The following HCN4 variants were observed in gnomAD, a reference collection of about 807,000 sequenced individuals.
HCN4 encodes the protein hyperpolarization activated cyclic nucleotide gated potassium channel 4, also known as potassium/sodium hyperpolarization-activated cyclic nucleotide-gated channel 4.
Under a neutral mutation model 76.9 loss-of-function variants are expected in HCN4, and 29 were observed. That is an observed-to-expected ratio of 0.38 (90% CI 0.28 to 0.51). The LOEUF is 0.51. Among genes scored for constraint, HCN4 ranks in the 20% least tolerant of loss-of-function variants. HCN4 has a pLI of 0.90. For missense variants in HCN4, 1,416 were observed against 1,715.2 expected (o/e 0.83, Z 3.08); for synonymous variants, 772 against 762.5 (o/e 1.01, Z -0.21).
chr15:73,363,004 A>T (rs1052333399), intron 1 of HCN4, among the ~76,000 whole-genome samples: 3 of 152,194 alleles, frequency 2.0e-5, no homozygotes, highest in African/African-American at 7.2e-5. Flanking sequence ...GGTGGGACAC[A>T]TCTCATCCCC....
chr15:73,323,765 C>T lies in HCN4; in HGVS notation c.2328G>A (p.Pro776=), dbSNP rs1452483960. ...TPTPTPVIWT[P]LIQAPLQAAA... ...CAGCCTGCAGTGGTGCCTGGATCAG[C>T]GGGGTCCAGATGACGGGCGTGGGGG... The change falls in exon 8 of 8, where the codon CCG becomes CCA. Residue 776 remains proline (P), a synonymous_variant. Coordinates refer to ENST00000261917, the MANE Select transcript of HCN4 (RefSeq NM_005477.3). 8.1e-6 allele frequency: 13 copies of T among 1,607,820 alleles called. No individual in the cohort carries two copies. Among genetic ancestry groups the T allele is most frequent in the South Asian group, 2.2e-5 (2 of 90,906 alleles).
chr15:73,324,887 C>T (rs976780296), intron 6 of HCN4, 68 bp downstream of exon 6: 27 of 1,599,766 alleles, frequency 1.7e-5, no homozygotes, highest in Middle Eastern at 2.0e-4. Context: ...CCTCTGTCCC[C>T]TCGGTATCTC....
intron 1 of HCN4, among the ~76,000 whole-genome samples, chr15:73,353,926 G>T (rs1037461754): frequency 6.6e-6 from 1 of 152,000 alleles, no homozygotes; most frequent in Admixed American, 6.5e-5. Flanking sequence ...TGACCCCAGG[G>T]TCTCCCCACC....
intron 1 of HCN4, among the ~76,000 whole-genome samples, chr15:73,344,818 C>T (rs1196842964): frequency 6.6e-6 from 1 of 152,170 alleles, no homozygotes; most frequent in Non-Finnish European, 1.5e-5. Context: ...GGAAACAACA[C>T]AGGTGGCCAA....
Position 73,323,438 on chromosome 15 carries a change from C to T in HCN4, c.2655G>A (p.Gly885=). 2 of 1,609,410 alleles carry T rather than the reference C, an allele frequency of 1.2e-6. No individual in the cohort carries two copies. The highest frequency in any genetic ancestry group is 1.7e-6 in the Non-Finnish European group (2 of 1,178,998). ...LPSSSSSPPP[G]ACGSPSAPTP... is the part of the protein sequence containing the mutation. ...TGGGAGCCGAGGGGGAGCCACAGGC[C>T]CCGGGGGGTGGGGAGGAGCTGGATG... is the stretch of plus-strand genomic sequence containing the variant. Residue 885 remains glycine, a synonymous_variant, in exon 8 of 8, where the codon GGG becomes GGA. Coordinates refer to ENST00000261917, the MANE Select transcript of HCN4 (RefSeq NM_005477.3).
At chr15:73,362,406 C>T (rs939537676) in intron 1 of HCN4, among the ~76,000 whole-genome samples, 2 of 152,248 alleles carry the variant, frequency 1.3e-5, no homozygotes, top group African/African-American at 4.8e-5. Context: ...GGACACCAGC[C>T]ACATTAGCAA....
In HCN4 at chr15:73,322,371, G is replaced by C; in HGVS notation, c.*110C>G. The C allele has an allele frequency of 1.1e-6, 1 of 943,974 alleles. No homozygotes were observed. Among genetic ancestry groups the C allele is most frequent in the Non-Finnish European group, 1.7e-6 (1 of 599,356 alleles). 58.5% of individuals were successfully genotyped at this position (943,974 alleles called of 1,614,324 possible). On this transcript the variant is annotated 3_prime_UTR_variant, in exon 8 of 8. Transcript: ENST00000261917. ...GTCTTTTGTTTTTCTGGTGTGTGTGGTTTTTTAAATAATTATTACTGTTAT... is the reference window on the plus strand; with the variant it reads ...GTCTTTTGTTTTTCTGGTGTGTGTGCTTTTTTAAATAATTATTACTGTTAT...
At chr15:73,341,069 G>GGTGTGTGTGTGTGTGTGTGTGTGTGTGT (rs76504723) in intron 2 of HCN4, 2 of 145,900 alleles carry the variant, frequency 1.4e-5, no homozygotes, top group East Asian at 2.0e-4. Context: ...GAGGGAGGTA[G>GGTGTGTGTGTGTGTGTGTGTGTGTGTGT]GTGTGTGTGT....
intron 2 of HCN4, among the ~76,000 whole-genome samples, chr15:73,337,442 G>A (rs1595826356): frequency 6.6e-6 from 1 of 152,250 alleles, no homozygotes; most frequent in Non-Finnish European, 1.5e-5. Flanking sequence ...TGGCTAGAAA[G>A]AGTCCCAGAC....
intron 2 of HCN4, 34 bp from the exon 3 acceptor site, chr15:73,332,326 GGTGA>G (rs1555476204): frequency 1.2e-6 from 2 of 1,612,016 alleles, no homozygotes; most frequent in African/African-American, 2.7e-5. Context: ...GGCTGGGATA[GGTGA>G]GTGGCCAGGA....
Position 73,324,094 on chromosome 15 carries a change from C to A in HCN4, c.2138G>T (p.Arg713Leu). 1.2e-6 allele frequency: 2 copies of A among 1,612,996 alleles called. No individual in the cohort carries two copies. Among genetic ancestry groups the A allele is most frequent in the East Asian group, 2.2e-5 (1 of 44,872 alleles). The change falls in exon 7 of 8, where the codon CGC becomes CTC. Residue 713 changes from arginine (R) to leucine (L), a missense_variant. Physicochemically the swap from Arg to Leu is moderately radical, Grantham distance 102. Coordinates refer to ENST00000261917, the MANE Select transcript of HCN4 (RefSeq NM_005477.3). Reference protein sequence around the residue: ...FETVALDRLDRIGKKNSILLH... With the variant: ...FETVALDRLDLIGKKNSILLH... Reference sequence around the variant, plus strand: ...CTGTGGCCCCTCCCCCTCACCAATGCGGTCCAGGCGGTCCAGCGCCACGGT... The same window carrying A: ...CTGTGGCCCCTCCCCCTCACCAATGAGGTCCAGGCGGTCCAGCGCCACGGT...
chr15:73,367,353 T>C lies in HCN4; in HGVS notation c.785+133A>G. 7.2e-7 allele frequency: 1 copy of C among 1,396,446 alleles called. No individual in the cohort carries two copies. 86.5% of individuals were successfully genotyped at this position (1,396,446 alleles called of 1,614,324 possible). ...GGGGGCCTGGGGGTGTCTCGGAGCC[T>C]AGAGGCGCCCTGCCTCTCTTGGAGC... is the stretch of plus-strand genomic sequence containing the variant. On this transcript the variant is annotated intron_variant, in intron 1 of 7. Transcript: ENST00000261917. The surrounding 1 kb of genome is among the most constrained non-coding windows in gnomAD (Gnocchi z 7.5).
rs767293887 is a variant in HCN4 at position 73,322,593 on chromosome 15, A to G, written c.3500T>C (p.Leu1167Ser). The G allele has an allele frequency of 1.9e-6, 3 of 1,611,188 alleles. No individual in the cohort carries two copies. Among genetic ancestry groups the G allele is most frequent in the Non-Finnish European group, 1.7e-6 (2 of 1,178,988 alleles). The change falls in exon 8 of 8, where the codon TTG becomes TCG. Residue 1167 changes from leucine to serine, a missense_variant. By Grantham distance (145) the Leu-to-Ser change is moderately radical (BLOSUM62 -2). Transcript: ENST00000261917. Reference sequence around the variant, plus strand: ...AGAAGAGGTGGCTCTTGCCCCAAACAAAGACAGAGGGGGTGGCAAAGAACC... The same window carrying G: ...AGAAGAGGTGGCTCTTGCCCCAAACGAAGACAGAGGGGGTGGCAAAGAACC... Reference protein sequence around the residue: ...SSGSLPPPLSLFGARATSSGG... With the variant: ...SSGSLPPPLSSFGARATSSGG...
At chr15:73,351,056 A>T (rs1383261035) in intron 1 of HCN4, among the ~76,000 whole-genome samples, 1 of 151,968 alleles carries the variant, frequency 6.6e-6, no homozygotes, top group Non-Finnish European at 1.5e-5. Context: ...TCCAATGGTC[A>T]CTTTCCAGTC....
intron 2 of HCN4, among the ~76,000 whole-genome samples, chr15:73,336,624 C>T (rs757855486): frequency 1.5e-4 from 23 of 152,120 alleles, no homozygotes; most frequent in African/African-American, 1.9e-4. Context: ...ACCAGCCAGC[C>T]GTGAGTGAGT....
At chr15:73,356,355 T>G (rs956826982) in intron 1 of HCN4, among the ~76,000 whole-genome samples, 1 of 150,270 alleles carries the variant, frequency 6.7e-6, no homozygotes, top group Non-Finnish European at 1.5e-5. Flanking sequence ...GCCCAGCTAA[T>G]TTTTCTTTCT....
Position 73,328,853 on chromosome 15 carries a change from A to T in HCN4, c.1590+720T>A, listed in dbSNP as rs1157184970. Among the ~76,000 whole-genome samples the T allele has an allele frequency of 6.6e-6, 1 of 152,166 alleles. No individual in the cohort carries two copies. The highest frequency in any genetic ancestry group is 1.5e-5 in the Non-Finnish European group (1 of 68,032). ...TTTGAGGTAGGCATTGATGACAGAG[A>T]GAGGCCAGGGATGGCTCCTAGTCTC... On this transcript the variant is annotated intron_variant, in intron 4 of 7. Coordinates refer to ENST00000261917, the MANE Select transcript of HCN4 (RefSeq NM_005477.3). The surrounding 1 kb of genome is among the most constrained non-coding windows in gnomAD (Gnocchi z 4.0).
At chr15:73,356,896 A>C (rs1347215205) in intron 1 of HCN4, among the ~76,000 whole-genome samples, 1 of 152,186 alleles carries the variant, frequency 6.6e-6, no homozygotes, top group Non-Finnish European at 1.5e-5. Flanking sequence ...TGTGCTAAGA[A>C]GGCAGGATTT....
chr15:73,347,645 C>A (rs1479493180), intron 1 of HCN4, among the ~76,000 whole-genome samples: 13 of 152,180 alleles, frequency 8.5e-5, no homozygotes, highest in Non-Finnish European at 7.3e-5. Context: ...AAGCTGGATG[C>A]CCAATGCTCC....
Sources: gnomAD v4.1 joint callset for allele counts (sites outside exome capture counted in the v4.1 genomes callset) on GRCh38, gnomAD v4.1.1 for gene constraint, Gnocchi (gnomAD v3.1) non-coding constraint, MANE v1.5 for transcripts, NCBI Gene and HGNC (gene_info 2026-07-23, HGNC 2026-07-21) for gene names.